CNTNAP2: variants seen among roughly 807,000 people sequenced by gnomAD.
CNTNAP2 encodes the protein contactin associated protein 2.
Under a neutral mutation model 155.2 loss-of-function variants are expected in CNTNAP2, and 98 were observed. The observed-to-expected ratio is 0.63, with a 90% CI of 0.54 to 0.75. The LOEUF (loss-of-function observed/expected upper bound fraction) is 0.75. CNTNAP2 is among the 30% of genes least tolerant of loss of function. CNTNAP2 has a pLI of 0.00. For synonymous variants in CNTNAP2, 651 were observed against 631.2 expected, an observed-to-expected ratio of 1.03 and a Z score of -0.47; for missense variants, 1,727 against 1,688.1, an observed-to-expected ratio of 1.02 and a Z score of -0.40.
intron 2 of CNTNAP2, among the ~76,000 whole-genome samples, chr7:146,799,633 A>G (rs1243876766): frequency 1.3e-5 from 2 of 152,226 alleles, no homozygotes; most frequent in African/African-American, 4.8e-5. Context: ...TACTGTAGCT[A>G]TACTTTATTA....
At chr7:147,993,781 A>G (rs567164995) in intron 15 of CNTNAP2, among the ~76,000 whole-genome samples, 5 of 152,102 alleles carry the variant, frequency 3.3e-5, no homozygotes, top group Non-Finnish European at 7.4e-5. Flanking sequence ...TGGAACATCA[A>G]TTTTCAGGAT....
chr7:146,345,882 C>T (rs1228498455), intron 1 of CNTNAP2, among the ~76,000 whole-genome samples: 1 of 152,096 alleles, frequency 6.6e-6, no homozygotes, highest in Non-Finnish European at 1.5e-5. Flanking sequence ...AGTCACTAGT[C>T]TCACAGTTCT....
At chr7:146,233,973 A>G (rs802555) in intron 1 of CNTNAP2, among the ~76,000 whole-genome samples, 73,899 of 149,340 alleles carry the variant, frequency 0.49, 18,673 homozygotes, top group East Asian at 0.64. Flanking sequence ...TCCTTTGGGA[A>G]TATACCCAGT....
At chr7:146,313,761 G>A (rs1344877589) in intron 1 of CNTNAP2, among the ~76,000 whole-genome samples, 1 of 152,138 alleles carries the variant, frequency 6.6e-6, no homozygotes, top group Non-Finnish European at 1.5e-5. Flanking sequence ...CATTGTGGGA[G>A]GCAGAGGCGG....
intron 2 of CNTNAP2, among the ~76,000 whole-genome samples, chr7:146,785,157 A>T (rs2129187871): frequency 6.6e-6 from 1 of 151,646 alleles, no homozygotes; most frequent in East Asian, 2.0e-4. Flanking sequence ...TAATGTTTGT[A>T]CAGACAGGGT....
intron 1 of CNTNAP2, among the ~76,000 whole-genome samples, chr7:146,679,586 A>C (rs1162352155): frequency 6.6e-6 from 1 of 151,886 alleles, no homozygotes; most frequent in Non-Finnish European, 1.5e-5. Context: ...CGAACGCCTG[A>C]CCTCATGATC....
intron 8 of CNTNAP2, among the ~76,000 whole-genome samples, chr7:147,179,083 T>C (rs1373241992): frequency 6.6e-6 from 1 of 152,164 alleles, no homozygotes; most frequent in East Asian, 1.9e-4. Context: ...TCCATATCCT[T>C]ACTTTTTAAC....
At chr7:146,216,226 G>A (rs540232936) in intron 1 of CNTNAP2, among the ~76,000 whole-genome samples, 2 of 152,256 alleles carry the variant, frequency 1.3e-5, no homozygotes, top group African/African-American at 2.4e-5. Flanking sequence ...AAGAAGCCAG[G>A]GGTTGGCTTT....
At chr7:147,702,883 G>A (rs1796258643) in intron 13 of CNTNAP2, among the ~76,000 whole-genome samples, 1 of 152,122 alleles carries the variant, frequency 6.6e-6, no homozygotes, top group Non-Finnish European at 1.5e-5. Flanking sequence ...ACTGGGCTTT[G>A]CAAATTAGGT....
chr7:147,139,421 C>A (rs1382091254), intron 8 of CNTNAP2, among the ~76,000 whole-genome samples: 2 of 152,040 alleles, frequency 1.3e-5, no homozygotes, highest in Non-Finnish European at 2.9e-5. Flanking sequence ...ATAGTGTTGG[C>A]ATGAAACAAT....
At chr7:148,331,104 CA>C (rs1372206121) in intron 21 of CNTNAP2, among the ~76,000 whole-genome samples, 2 of 109,366 alleles carry the variant, frequency 1.8e-5, no homozygotes, top group Non-Finnish European at 3.6e-5. Flanking sequence ...ATGGAATGGA[CA>C]GATGGAGTCA....
At chr7:147,029,303 G>A (rs1421088000) in intron 3 of CNTNAP2, among the ~76,000 whole-genome samples, 2 of 152,070 alleles carry the variant, frequency 1.3e-5, no homozygotes, top group East Asian at 3.9e-4. Context: ...AGGAGAAGAT[G>A]ACTAAGGGAG....
chr7:147,276,709 T>A (rs527961760), intron 8 of CNTNAP2, among the ~76,000 whole-genome samples: 2 of 152,048 alleles, frequency 1.3e-5, no homozygotes, highest in African/African-American at 4.8e-5. Flanking sequence ...AAGGTCTTCT[T>A]GTATATTGGG....
At chr7:146,194,316 ACT>A (rs1798746916) in intron 1 of CNTNAP2, among the ~76,000 whole-genome samples, 1 of 152,198 alleles carries the variant, frequency 6.6e-6, no homozygotes, top group Admixed American at 6.5e-5. Flanking sequence ...TGTTTAATGG[ACT>A]CACAGTTCAG....
At chr7:146,567,422 T>A (rs1220652001) in intron 1 of CNTNAP2, among the ~76,000 whole-genome samples, 1 of 152,158 alleles carries the variant, frequency 6.6e-6, no homozygotes, top group East Asian at 1.9e-4. Context: ...ATCAATTTAA[T>A]TATATTTGAA....
chr7:146,851,087 C>A (rs1407417869), intron 3 of CNTNAP2, among the ~76,000 whole-genome samples: 1 of 152,088 alleles, frequency 6.6e-6, no homozygotes, highest in Non-Finnish European at 1.5e-5. Flanking sequence ...CAAGTTCAAG[C>A]GATTCTCCTG....
chr7:147,229,364 A>G (rs950241646), intron 8 of CNTNAP2, among the ~76,000 whole-genome samples: 1 of 152,220 alleles, frequency 6.6e-6, no homozygotes, highest in Non-Finnish European at 1.5e-5. Flanking sequence ...CAATAAAAGC[A>G]TTGAGGATGT....
chr7:147,710,805 A>G (rs143946810), intron 13 of CNTNAP2, among the ~76,000 whole-genome samples: 3 of 152,300 alleles, frequency 2.0e-5, no homozygotes, highest in African/African-American at 4.8e-5. Flanking sequence ...GGTATGCTAA[A>G]AAGTAGGTTT....
chr7:146,326,920 G>T (rs1801107312), intron 1 of CNTNAP2, among the ~76,000 whole-genome samples: 1 of 152,066 alleles, frequency 6.6e-6, no homozygotes, highest in South Asian at 2.1e-4. Flanking sequence ...TTATGTCGAA[G>T]AAAATATTTC....
Sources: allele counts gnomAD v4.1 joint callset (sites outside exome capture counted in the v4.1 genomes callset), GRCh38; gene constraint gnomAD v4.1.1; transcripts MANE v1.5; gene names NCBI Gene and HGNC (gene_info 2026-07-23, HGNC 2026-07-21).